The following ABCA4 variants were observed in gnomAD, a reference collection of about 807,000 sequenced individuals.
ABCA4 encodes retinal-specific phospholipid-transporting ATPase ABCA4.
ABCA4 carries 196 observed loss-of-function variants against 263.7 expected under a neutral mutation model. The ratio of observed to expected loss-of-function variants is 0.74; its 90% CI spans 0.66 to 0.84. The LOEUF is 0.84. Ranked by LOEUF, ABCA4 falls within the 40% of genes least tolerant of loss-of-function variation. ABCA4 has a pLI of 0.00. For missense variants in ABCA4, 2,792 were observed against 2,855.1 expected, an observed-to-expected ratio of 0.98 and a Z score of 0.50; for synonymous variants, 1,133 against 1,094.2, an observed-to-expected ratio of 1.04 and a Z score of -0.70.
rs989605977 is a variant in ABCA4, at chr1:94,079,561, T to C, written c.1100-100A>G. On this transcript the variant is annotated intron_variant, in intron 8 of 49. Coordinates refer to ENST00000370225, the MANE Select transcript of ABCA4 (RefSeq NM_000350.3). Reference sequence around the variant, plus strand: ...ACATCACATGTCTCATTCAACTCCATGCTGGAGGATTTGATGAATAACCTA... The same window carrying C: ...ACATCACATGTCTCATTCAACTCCACGCTGGAGGATTTGATGAATAACCTA... 3 of 1,554,700 alleles carry C rather than the reference T, an allele frequency of 1.9e-6. No individual in the cohort carries two copies. The African/African-American group carries it at 4.1e-5, about 21-fold the overall frequency.
At position 94,080,381 on chromosome 1, in the gene ABCA4, C is replaced by T. The variant is rs534170231; in HGVS notation, c.1099+97G>A. The T allele has an allele frequency of 4.4e-4, 683 of 1,545,774 alleles. 3 individuals are homozygous for T. The African/African-American group carries it at 8.3e-3, about 19-fold the overall frequency. The stretch of plus-strand genomic sequence containing the variant: ...CCTAAGGCCACTCAGCAAGACAAGA[C>T]AGATGCAACCCCAGGTTTGGTTTCA... On this transcript the variant is annotated intron_variant, in intron 8 of 49. Transcript: ENST00000370225.
In ABCA4 at chr1:94,047,015, C is replaced by A. The variant is rs113503406; in HGVS notation, c.2822G>T (p.Cys941Phe). ...VKNLVKIFEP[C>F]GRPAVDRLNI... The stretch of plus-strand genomic sequence containing the variant: ...CAGACGGTCCACAGCTGGCCGGCCA[C>A]AGGGCTCAAAAATCTTTACCAGATT... The change falls in exon 19 of 50, where the codon TGT becomes TTT. Residue 941 changes from cysteine (C) to phenylalanine (F), a missense_variant. Physicochemically the swap from Cys to Phe is radical, Grantham distance 205. Coordinates refer to ENST00000370225, the MANE Select transcript of ABCA4 (RefSeq NM_000350.3). The A allele has an allele frequency of 1.2e-6, 2 of 1,614,134 alleles. No homozygotes were observed. Among genetic ancestry groups the A allele is most frequent in the Admixed American group, 1.7e-5 (1 of 60,024 alleles).
chr1:94,021,829 C>T lies in ABCA4; in HGVS notation c.4773+17G>A. On this transcript the variant is annotated intron_variant, in intron 33 of 49. Transcript: ENST00000370225. ...CAAGTCAAAAATCCTACTCAAATCT[C>T]CAGTCTGTTTACATACCCCGCTCAC... 1 of 1,613,508 alleles carries T rather than the reference C, an allele frequency of 6.2e-7. No individual in the cohort carries two copies. Among genetic ancestry groups the T allele is most frequent in the South Asian group, 1.1e-5 (1 of 91,070 alleles).
chr1:94,053,297 G>T (rs1305052466), intron 16 of ABCA4, among the ~76,000 whole-genome samples: 2 of 152,220 alleles, frequency 1.3e-5, no homozygotes, highest in Non-Finnish European at 2.9e-5. Flanking sequence ...TTGTGGGACT[G>T]AACCCGTGGA....
intron 31 of ABCA4, among the ~76,000 whole-genome samples, chr1:94,023,966 A>G (rs1283297252): frequency 6.6e-6 from 1 of 152,212 alleles, no homozygotes; most frequent in Non-Finnish European, 1.5e-5. Flanking sequence ...ACCTTTAAGC[A>G]CACACGCACA....
chr1:94,080,873 A>T (rs566962639), intron 7 of ABCA4, among the ~76,000 whole-genome samples, 155 bp from the exon 8 acceptor site: 1 of 152,286 alleles, frequency 6.6e-6, no homozygotes, highest in South Asian at 2.1e-4. Context: ...AAAACAAAAA[A>T]CAAAACCTAC....
chr1:94,110,695 G>A (rs1662578189), intron 3 of ABCA4, among the ~76,000 whole-genome samples: 1 of 152,166 alleles, frequency 6.6e-6, no homozygotes. Flanking sequence ...TCTTCCTGTG[G>A]GATTCGACTT....
In ABCA4 at chr1:94,002,101, C is replaced by T. The variant is rs975547131; in HGVS notation, c.6148-109G>A. 12 of 1,542,030 alleles carry T rather than the reference C, an allele frequency of 7.8e-6. No individual in the cohort carries two copies. In the Admixed American group the frequency reaches 8.6e-5, roughly 11 times the overall value. ...TCTCACGCCTCCAGAATGAAATCCCCAGCTAGGCTGAAACAGGCTCCTGCT... is the reference window on the plus strand; with the variant it reads ...TCTCACGCCTCCAGAATGAAATCCCTAGCTAGGCTGAAACAGGCTCCTGCT... On this transcript the variant is annotated intron_variant, in intron 44 of 49. Transcript: ENST00000370225.
intron 49 of ABCA4, among the ~76,000 whole-genome samples, chr1:93,995,523 C>T (rs991596859): frequency 1.3e-5 from 2 of 152,186 alleles, no homozygotes; most frequent in South Asian, 2.1e-4. Flanking sequence ...AACCTACAAG[C>T]ACCTATTCCA....
chr1:93,995,537 GTT>G (rs1371780376), intron 49 of ABCA4, among the ~76,000 whole-genome samples: 1 of 152,150 alleles, frequency 6.6e-6, no homozygotes, highest in African/African-American at 2.4e-5. Context: ...TATTCCAAGA[GTT>G]ATCACAAGCC....
intron 41 of ABCA4, among the ~76,000 whole-genome samples, 158 bp from the exon 42 acceptor site, chr1:94,008,455 ACATCTCGAG>A (rs1312729876): frequency 6.6e-6 from 1 of 152,198 alleles, no homozygotes; most frequent in African/African-American, 2.4e-5. Flanking sequence ...GAGTACTGAG[ACATCTCGAG>A]GCTGACCCAT....
At chr1:94,031,215 C>T in intron 27 of ABCA4, 95 bp from the exon 28 acceptor site, 1 of 1,514,080 alleles carries the variant, frequency 6.6e-7, no homozygotes, top group Non-Finnish European at 9.0e-7. Context: ...AACATTTATC[C>T]TGCAGCCTCC....
rs550788758 is a variant in ABCA4, at chr1:94,066,096, C to T, written c.1555-2779G>A. On this transcript the variant is annotated intron_variant, in intron 11 of 49. Coordinates refer to ENST00000370225, the MANE Select transcript of ABCA4 (RefSeq NM_000350.3). ...CTGGACAGAAATAATGCAAGGTTTGCTATTGGATAAATAGTTTGGGTCTGT... is the reference window on the plus strand; with the variant it reads ...CTGGACAGAAATAATGCAAGGTTTGTTATTGGATAAATAGTTTGGGTCTGT... Among the ~76,000 whole-genome samples the T allele has an allele frequency of 8.5e-5, 13 of 152,290 alleles. No individual in the cohort carries two copies. In the East Asian group the frequency reaches 9.7e-4, roughly 11 times the overall value.
chr1:94,116,731 A>G (rs1002205916), intron 1 of ABCA4, among the ~76,000 whole-genome samples: 11 of 152,228 alleles, frequency 7.2e-5, no homozygotes, highest in African/African-American at 2.6e-4. Flanking sequence ...CTTGACGCTT[A>G]ACTGCGTACA....
chr1:94,107,113 A>G (rs1252678680), intron 4 of ABCA4, among the ~76,000 whole-genome samples: 1 of 152,196 alleles, frequency 6.6e-6, no homozygotes, highest in Non-Finnish European at 1.5e-5. Flanking sequence ...CTGCAGCAGA[A>G]GCTGTTCTAT....
intron 15 of ABCA4, among the ~76,000 whole-genome samples, 160 bp from the exon 16 acceptor site, chr1:94,055,475 C>G (rs759459112): frequency 2.0e-5 from 3 of 152,156 alleles, no homozygotes; most frequent in East Asian, 1.9e-4. Flanking sequence ...TTTCCCTTGA[C>G]GGCCAGGGGG....
At chr1:94,019,846 G>A in intron 35 of ABCA4, 87 bp from the exon 36 acceptor site, 2 of 1,444,650 alleles carry the variant, frequency 1.4e-6, no homozygotes, top group Non-Finnish European at 1.9e-6. Flanking sequence ...CTTTGGGAAG[G>A]CCTTACACCC....
chr1:94,093,496 T>C (rs1662031968), intron 6 of ABCA4, among the ~76,000 whole-genome samples: 1 of 152,240 alleles, frequency 6.6e-6, no homozygotes, highest in Non-Finnish European at 1.5e-5. Flanking sequence ...CCTCACACAT[T>C]GGTGCACACA....
intron 28 of ABCA4, 48 bp from the exon 29 acceptor site, chr1:94,030,574 C>T (rs774474370): frequency 1.3e-6 from 2 of 1,534,866 alleles, no homozygotes; most frequent in South Asian, 1.1e-5. Flanking sequence ...CGCGTGCCAA[C>T]ATCATGCAAC....
Sources: allele counts gnomAD v4.1 joint callset (sites outside exome capture counted in the v4.1 genomes callset), GRCh38; gene constraint gnomAD v4.1.1; transcripts MANE v1.5; gene names NCBI Gene and HGNC (gene_info 2026-07-23, HGNC 2026-07-21).